The following MACROD1 variants were observed in gnomAD, a reference collection of about 807,000 sequenced individuals.
MACROD1 encodes ADP-ribose glycohydrolase MACROD1.
A neutral mutation model predicts 41.4 loss-of-function variants in MACROD1; 31 were observed. The ratio of observed to expected loss-of-function variants is 0.75; its 90% confidence interval spans 0.56 to 1.01. MACROD1 has a LOEUF of 1.01. Ranked by LOEUF, MACROD1 falls within the 50% of genes least tolerant of loss-of-function variation. The pLI is 0.00. For missense variants in MACROD1, 473 were observed against 460.0 expected, an observed-to-expected ratio of 1.03 and a Z score of -0.26; for synonymous variants, 252 against 203.4, an observed-to-expected ratio of 1.24 and a Z score of -2.03.
chr11:64,131,902 G>A (rs754754539), intron 3 of MACROD1, among the ~76,000 whole-genome samples: 2 of 152,158 alleles, frequency 1.3e-5, no homozygotes, highest in Non-Finnish European at 2.9e-5. Context: ...GCTGAGGAGG[G>A]GGGCAGGGGG....
intron 3 of MACROD1, among the ~76,000 whole-genome samples, chr11:64,024,180 C>G (rs522466): frequency 0.048 from 7,314 of 152,324 alleles, 574 homozygotes; most frequent in African/African-American, 0.16. Flanking sequence ...CGCAAGTCAG[C>G]TGCTCGCTCA....
chr11:64,114,334 G>A (rs901091976), intron 3 of MACROD1, among the ~76,000 whole-genome samples: 1 of 66,998 alleles, frequency 1.5e-5, no homozygotes, highest in Admixed American at 1.7e-4. Context: ...TGGACGGACA[G>A]TAGATACATG....
intron 3 of MACROD1, among the ~76,000 whole-genome samples, chr11:64,073,251 C>T (rs1590870311): frequency 6.6e-6 from 1 of 152,208 alleles, no homozygotes; most frequent in South Asian, 2.1e-4. Context: ...TCTGGGTACC[C>T]GCTCTGTGCT....
chr11:64,029,221 CAA>C (rs1305922344), intron 3 of MACROD1, among the ~76,000 whole-genome samples: 2 of 152,190 alleles, frequency 1.3e-5, no homozygotes, highest in Non-Finnish European at 1.5e-5. Context: ...CGCTGGGCCT[CAA>C]GAGCCTTTGC....
chr11:64,116,541 C>G (rs754936235), intron 3 of MACROD1: 7 of 1,614,062 alleles, frequency 4.3e-6, no homozygotes, highest in Non-Finnish European at 5.9e-6. Context: ...GCAGAACAAC[C>G]AGATCAACAA....
intron 3 of MACROD1, among the ~76,000 whole-genome samples, chr11:64,141,843 C>T (rs1373226823): frequency 2.0e-5 from 3 of 152,190 alleles, no homozygotes; most frequent in South Asian, 2.1e-4. Flanking sequence ...TTTCTAACTA[C>T]GAGTCTGCCG....
chr11:64,127,380 C>A (rs1337080988), intron 3 of MACROD1, among the ~76,000 whole-genome samples: 1 of 152,234 alleles, frequency 6.6e-6, no homozygotes, highest in Non-Finnish European at 1.5e-5. Flanking sequence ...CGGCCCACCC[C>A]CTCCCCGGGC....
chr11:63,998,803 G>GC, intron 10 of MACROD1, 35 bp downstream of exon 10: 1 of 1,489,870 alleles, frequency 6.7e-7, no homozygotes, highest in Non-Finnish European at 8.9e-7. Flanking sequence ...TTAGTCTAGG[G>GC]CCGGGGCCGC....
intron 3 of MACROD1, among the ~76,000 whole-genome samples, chr11:64,025,376 G>A (rs746237162): frequency 6.6e-6 from 1 of 152,182 alleles, no homozygotes; most frequent in East Asian, 1.9e-4. Flanking sequence ...CCCAGGAGGC[G>A]TGGCTGCTGT....
chr11:64,151,302 C>T lies in MACROD1; in HGVS notation c.454G>A (p.Glu152Lys), dbSNP rs1472458303. 1 of 1,613,904 alleles carries T rather than the reference C, an allele frequency of 6.2e-7. No homozygotes were observed. Among genetic ancestry groups the T allele is most frequent in the Non-Finnish European group, 8.5e-7 (1 of 1,180,048 alleles). ...PRYKKDKQLN[E>K]KISLLRSDIT... is the part of the protein sequence containing the mutation. ...TCGCTGCGGAGCAGGGAGATTTTCT[C>T]ATTGAGCTGCTTGTCCTTTTTATAC... Residue 152 changes from glutamate (E) to lysine (K), a missense_variant, in exon 3 of 11, where the codon GAG becomes AAG. Transcript: ENST00000255681.
intron 3 of MACROD1, among the ~76,000 whole-genome samples, chr11:64,148,415 G>A (rs1037756364): frequency 2.6e-5 from 4 of 152,132 alleles, no homozygotes; most frequent in South Asian, 2.1e-4. Flanking sequence ...CAGAAGCTCC[G>A]GCGGGCGGCC....
chr11:64,118,624 G>A (rs984489335), intron 3 of MACROD1: 1 of 252,522 alleles, frequency 4.0e-6, no homozygotes, highest in Non-Finnish European at 8.2e-6. Context: ...GAACTGGAAG[G>A]ATACTACCTG....
chr11:64,154,812 T>C (rs1945642144), intron 1 of MACROD1, among the ~76,000 whole-genome samples: 2 of 152,262 alleles, frequency 1.3e-5, no homozygotes, highest in South Asian at 2.1e-4. Flanking sequence ...CCTGCACTCC[T>C]GGATTCAAGC....
intron 3 of MACROD1, among the ~76,000 whole-genome samples, chr11:64,119,795 T>A (rs1032614848): frequency 2.6e-5 from 4 of 152,200 alleles, no homozygotes; most frequent in Non-Finnish European, 4.4e-5. Flanking sequence ...GTCGCTATCA[T>A]GCATTTATCA....
In MACROD1 at chr11:64,146,107, G is replaced by C. The variant is rs1005695968; in HGVS notation, c.517+5132C>G. Among the ~76,000 whole-genome samples, 7 of 152,288 alleles carry C rather than the reference G, an allele frequency of 4.6e-5. No homozygotes were observed. The highest frequency in any genetic ancestry group is 3.9e-4 in the Admixed American group (6 of 15,296). On this transcript the variant is annotated intron_variant, in intron 3 of 10. Coordinates refer to ENST00000255681, the MANE Select transcript of MACROD1 (RefSeq NM_014067.4). This position sits in a 1 kb window ranked among gnomAD's most constrained non-coding sequence, Gnocchi z 4.7. ...CTTTCTTTGTGCCCGGACATGTCCT[G>C]CCCAGGACTCTGCTATCTGTCAGGA...
At chr11:64,102,349 G>T (rs666497) in intron 3 of MACROD1, among the ~76,000 whole-genome samples, 1 of 151,926 alleles carries the variant, frequency 6.6e-6, no homozygotes, top group African/African-American at 2.4e-5. Context: ...GGGCGGCTGC[G>T]GGTGTTGAGG....
intron 3 of MACROD1, among the ~76,000 whole-genome samples, chr11:64,126,340 A>C (rs1945180522): frequency 1.3e-5 from 2 of 152,226 alleles, no homozygotes; most frequent in South Asian, 4.1e-4. Context: ...GAGTGAGAGA[A>C]GTGGGGAGAG....
At chr11:64,084,504 C>T (rs1281925707) in intron 3 of MACROD1, among the ~76,000 whole-genome samples, 4 of 152,218 alleles carry the variant, frequency 2.6e-5, no homozygotes, top group Admixed American at 6.5e-5. Flanking sequence ...GCCTTGGGGT[C>T]ACGGGGCCTG....
chr11:64,047,321 G>C lies in MACROD1; in HGVS notation c.518-32040C>G, dbSNP rs1943603045. Among the ~76,000 whole-genome samples, 3 of 152,252 alleles carry C rather than the reference G, an allele frequency of 2.0e-5. No homozygotes were observed. The South Asian group carries it at 6.2e-4, about 32-fold the overall frequency. Reference sequence around the variant, plus strand: ...CAACAGCCCTGGGAGTGGGTAGCGTGAGCCCATTTTAAGAAGGCGAAACCT... The same window carrying C: ...CAACAGCCCTGGGAGTGGGTAGCGTCAGCCCATTTTAAGAAGGCGAAACCT... On this transcript the variant is annotated intron_variant, in intron 3 of 10. Coordinates refer to ENST00000255681, the MANE Select transcript of MACROD1 (RefSeq NM_014067.4).
Sources: gnomAD v4.1 joint callset for allele counts (sites outside exome capture counted in the v4.1 genomes callset) on GRCh38, gnomAD v4.1.1 for gene constraint, Gnocchi (gnomAD v3.1) non-coding constraint, MANE v1.5 for transcripts, NCBI Gene and HGNC (gene_info 2026-07-23, HGNC 2026-07-21) for gene names.